Variants in NTM observed in about 807,000 individuals in gnomAD.
NTM encodes the protein IgLON family member 2.
In NTM, 13 loss-of-function variants were observed where a neutral mutation model predicts 42.1. That is an observed-to-expected ratio of 0.31 (90% confidence interval 0.20 to 0.49). NTM has a LOEUF of 0.49. NTM is among the 20% of genes least tolerant of loss of function. NTM has a pLI of 0.99. For synonymous variants in NTM, 187 were observed against 179.2 expected, an observed-to-expected ratio of 1.04 and a Z score of -0.35; for missense variants, 373 against 452.8, an observed-to-expected ratio of 0.82 and a Z score of 1.60.
At chr11:132,329,293 A>G (rs548001328) in intron 7 of NTM, among the ~76,000 whole-genome samples, 2 of 152,222 alleles carry the variant, frequency 1.3e-5, no homozygotes, top group Non-Finnish European at 2.9e-5. Context: ...GAAGTAAAAG[A>G]TTAGAGATCA....
intron 2 of NTM, among the ~76,000 whole-genome samples, chr11:132,051,211 A>AT (rs918081135): frequency 4.3e-4 from 65 of 151,874 alleles, no homozygotes; most frequent in South Asian, 3.5e-3. Context: ...TATGACGATG[A>AT]TTTTTTTTTA....
intron 1 of NTM, among the ~76,000 whole-genome samples, chr11:131,418,716 G>C (rs749837429): frequency 4.6e-5 from 7 of 152,210 alleles, no homozygotes; most frequent in Non-Finnish European, 1.0e-4. Flanking sequence ...GAGAGGTTAG[G>C]AGAGATAAAA....
intron 1 of NTM, among the ~76,000 whole-genome samples, chr11:131,456,101 ATAAC>A (rs926493230): frequency 5.9e-5 from 9 of 152,228 alleles, no homozygotes; most frequent in Non-Finnish European, 1.3e-4. Flanking sequence ...TAGGATATAA[ATAAC>A]TACTAGCTTA....
In NTM at chr11:131,760,107, A is replaced by C. The variant is rs145619957; in HGVS notation, c.83-151457A>C. On this transcript the variant is annotated intron_variant, in intron 1 of 8. Transcript: ENST00000683400. The stretch of plus-strand genomic sequence containing the variant: ...ACAGTCTTATTAAGTTGGGCAGAAA[A>C]TTAATTAGGCTAATTAGAAAACCTC... 2.7e-3 allele frequency among the ~76,000 whole-genome samples: 412 copies of C among 152,290 alleles called. 4 individuals are homozygous for C. Among genetic ancestry groups the C allele is most frequent in the African/African-American group, 8.9e-3 (371 of 41,568 alleles).
intron 4 of NTM, among the ~76,000 whole-genome samples, chr11:132,278,071 G>A (rs1056129992): frequency 6.6e-6 from 1 of 152,120 alleles, no homozygotes; most frequent in South Asian, 2.1e-4. Flanking sequence ...ATCAACATCG[G>A]CCTTCTGGTT....
At chr11:132,148,484 G>A (rs2071093054) in intron 3 of NTM, among the ~76,000 whole-genome samples, 1 of 151,978 alleles carries the variant, frequency 6.6e-6, no homozygotes, top group African/African-American at 2.4e-5. Context: ...GTTGAGAAAA[G>A]AATGCCTAGC....
intron 1 of NTM, among the ~76,000 whole-genome samples, chr11:131,823,719 C>T (rs1384470875): frequency 6.6e-6 from 1 of 152,146 alleles, no homozygotes; most frequent in Non-Finnish European, 1.5e-5. Context: ...CCTCAATGTG[C>T]ATTGCTTAAA....
chr11:132,095,543 G>A (rs1314011667), intron 2 of NTM, among the ~76,000 whole-genome samples: 4 of 152,182 alleles, frequency 2.6e-5, no homozygotes, highest in African/African-American at 9.7e-5. Context: ...TGATTGAGAG[G>A]AGAACACAGA....
chr11:131,496,658 C>T (rs1293147891), intron 1 of NTM, among the ~76,000 whole-genome samples: 4 of 152,244 alleles, frequency 2.6e-5, no homozygotes, highest in African/African-American at 9.6e-5. Flanking sequence ...GCATCTTCAT[C>T]AGCTTATTTG....
At position 132,302,906 on chromosome 11, in the gene NTM, A is replaced by G. The variant is rs142590032; in HGVS notation, c.527-4783A>G. On this transcript the variant is annotated intron_variant, in intron 4 of 8. Transcript: ENST00000683400. ...GTTCCCAAACTTGCCTATTTGTGAG[A>G]ATTTCCTAGGAAGATTATGCAAGCA... is the stretch of plus-strand genomic sequence containing the variant. Among the ~76,000 whole-genome samples the G allele has an allele frequency of 1.1e-4, 16 of 152,300 alleles. No homozygotes were observed. The East Asian group carries it at 3.1e-3, about 29-fold the overall frequency.
intron 1 of NTM, among the ~76,000 whole-genome samples, chr11:131,456,254 A>G (rs1950882015): frequency 1.3e-5 from 2 of 152,140 alleles, no homozygotes; most frequent in South Asian, 2.1e-4. Flanking sequence ...GTTAGATAAA[A>G]CTGGTTTTCA....
chr11:131,514,155 G>C (rs1057073823), intron 1 of NTM, among the ~76,000 whole-genome samples: 2 of 152,174 alleles, frequency 1.3e-5, no homozygotes, highest in South Asian at 4.1e-4. Context: ...TAGCTGCTGA[G>C]GTGGGAAGAG....
At chr11:131,811,881 T>C (rs1765374566) in intron 1 of NTM, among the ~76,000 whole-genome samples, 2 of 152,222 alleles carry the variant, frequency 1.3e-5, no homozygotes, top group African/African-American at 4.8e-5. Context: ...AAATTGTTTT[T>C]CACCTTTCAG....
At chr11:131,940,280 C>T (rs973711246) in intron 2 of NTM, among the ~76,000 whole-genome samples, 7 of 152,246 alleles carry the variant, frequency 4.6e-5, no homozygotes, top group South Asian at 2.1e-4. Flanking sequence ...TACAGTTCCA[C>T]GACTAAATAA....
intron 2 of NTM, among the ~76,000 whole-genome samples, chr11:132,083,860 G>A (rs2059380777): frequency 6.6e-6 from 1 of 152,072 alleles, no homozygotes; most frequent in South Asian, 2.1e-4. Flanking sequence ...GATCCAGGCA[G>A]AGAGAAACAA....
chr11:131,851,386 T>C (rs2045521221), intron 1 of NTM, among the ~76,000 whole-genome samples: 1 of 152,092 alleles, frequency 6.6e-6, no homozygotes, highest in Admixed American at 6.6e-5. Flanking sequence ...AAGTCAGCCC[T>C]CCCGCTAATA....
intron 4 of NTM, among the ~76,000 whole-genome samples, chr11:132,254,025 C>G (rs182370715): frequency 6.6e-6 from 1 of 152,270 alleles, no homozygotes. Context: ...TCAAGCCAAG[C>G]AGGGGCTGGA....
chr11:132,099,354 A>T (rs183364312), intron 2 of NTM, among the ~76,000 whole-genome samples: 1 of 152,322 alleles, frequency 6.6e-6, no homozygotes, highest in East Asian at 1.9e-4. Flanking sequence ...TTTTTATCTC[A>T]TGACACACAA....
intron 1 of NTM, among the ~76,000 whole-genome samples, chr11:131,590,408 C>A (rs2059261402): frequency 6.6e-6 from 1 of 152,192 alleles, no homozygotes; most frequent in African/African-American, 2.4e-5. Flanking sequence ...AAGCGACATG[C>A]TGGAAGCCCA....
Sources: gnomAD v4.1 joint callset for allele counts (sites outside exome capture counted in the v4.1 genomes callset) on GRCh38, gnomAD v4.1.1 for gene constraint, MANE v1.5 for transcripts, NCBI Gene and HGNC (gene_info 2026-07-23, HGNC 2026-07-21) for gene names.